The following AFAP1L2 variants were observed in gnomAD, a reference collection of about 807,000 sequenced individuals.
The protein encoded by AFAP1L2 is actin filament associated protein 1 like 2.
Under a neutral mutation model 99.3 loss-of-function variants are expected in AFAP1L2, and 46 were observed. That is an observed-to-expected ratio of 0.46 (90% CI 0.37 to 0.59). The LOEUF is 0.59. Ranked by LOEUF, AFAP1L2 falls within the 20% of genes least tolerant of loss-of-function variation. AFAP1L2 has a pLI of 0.00. For missense variants in AFAP1L2, 959 were observed against 1,034.9 expected (o/e 0.93, Z 1.01); for synonymous variants, 397 against 419.1 (o/e 0.95, Z 0.64).
chr10:114,322,361 G>A (rs1158954146), intron 5 of AFAP1L2, among the ~76,000 whole-genome samples: 5 of 152,170 alleles, frequency 3.3e-5, no homozygotes, highest in African/African-American at 1.2e-4. Flanking sequence ...AGCCCCATCT[G>A]CGTCCCCACC....
At chr10:114,316,104 A>C (rs2044093853) in intron 5 of AFAP1L2, among the ~76,000 whole-genome samples, 1 of 152,248 alleles carries the variant, frequency 6.6e-6, no homozygotes, top group Non-Finnish European at 1.5e-5. Context: ...TGCTCTTGAC[A>C]AGGCCAGTTC....
At chr10:114,284,269 T>C in the AFAP1L2 span, among the ~76,000 whole-genome samples, 1 of 152,196 alleles carries the variant, frequency 6.6e-6, no homozygotes, top group African/African-American at 2.4e-5. Flanking sequence ...TTGGGGAGTG[T>C]TTTTTTAGTG....
chr10:114,310,446 G>A lies in AFAP1L2; in HGVS notation c.793-3C>T, dbSNP rs753909843. The A allele has an allele frequency of 1.2e-6, 2 of 1,613,064 alleles. No individual in the cohort carries two copies. The highest frequency in any genetic ancestry group is 3.3e-4 in the Middle Eastern group (2 of 6,052). ...AGGCCGCTCACTTCCTGGATGACCT[G>A]AGGCAAGAGGGAAGCCGTCAGCAGA... On this transcript the variant is annotated splice_polypyrimidine_tract_variant and splice_region_variant and intron_variant, in intron 7 of 18. Transcript: ENST00000304129.
chr10:114,300,097 G>A (rs918844720), intron 15 of AFAP1L2, 97 bp downstream of exon 15: 31 of 1,517,176 alleles, frequency 2.0e-5, no homozygotes, highest in African/African-American at 2.7e-5. Context: ...CTTAATAAAC[G>A]CCCTTTCATA....
chr10:114,286,419 G>A, the AFAP1L2 span: 11 of 1,613,828 alleles, frequency 6.8e-6, no homozygotes, highest in East Asian at 2.5e-4. Context: ...ATCACAGGCA[G>A]CCCAAAGCAT....
chr10:114,301,683 A>G, intron 12 of AFAP1L2: 1 of 568,938 alleles, frequency 1.8e-6, no homozygotes, highest in Admixed American at 3.0e-5. Flanking sequence ...TTCCTCCCAG[A>G]AAGACAAGCT....
intron 1 of AFAP1L2, among the ~76,000 whole-genome samples, chr10:114,386,053 C>T (rs145622861): frequency 2.0e-5 from 3 of 152,200 alleles, no homozygotes; most frequent in Non-Finnish European, 4.4e-5. Flanking sequence ...GGCCGAGACT[C>T]GGCTGAGAGT....
At chr10:114,383,888 G>A (rs550094044) in intron 1 of AFAP1L2, among the ~76,000 whole-genome samples, 8 of 152,266 alleles carry the variant, frequency 5.3e-5, no homozygotes, top group East Asian at 1.9e-4. Context: ...GGCTCTCCCC[G>A]TCTCTTCCTA....
At chr10:114,313,719 A>G (rs1241384209) in intron 7 of AFAP1L2, 152 bp downstream of exon 7, 2 of 765,008 alleles carry the variant, frequency 2.6e-6, no homozygotes, top group Non-Finnish European at 3.9e-6. Context: ...ACCCATTTGC[A>G]GAAGACAGAT....
chr10:114,380,112 C>G (rs2055409786), intron 1 of AFAP1L2, among the ~76,000 whole-genome samples: 1 of 152,206 alleles, frequency 6.6e-6, no homozygotes, highest in African/African-American at 2.4e-5. Context: ...CAATTTAGCA[C>G]TGGGTGATGA....
At chr10:114,313,264 GCAT>G (rs1366979613) in intron 7 of AFAP1L2, among the ~76,000 whole-genome samples, 1 of 152,146 alleles carries the variant, frequency 6.6e-6, no homozygotes, top group East Asian at 1.9e-4. Flanking sequence ...TCCGCTGGAA[GCAT>G]CAAGCCCAGC....
At chr10:114,404,054 C>T (rs1174314758) in intron 1 of AFAP1L2, among the ~76,000 whole-genome samples, 1 of 152,252 alleles carries the variant, frequency 6.6e-6, no homozygotes, top group African/African-American at 2.4e-5. Flanking sequence ...CCCTTTGCCC[C>T]CAGCAGCTCA....
In AFAP1L2 at chr10:114,330,563, C is replaced by A. The variant is rs1401920486; in HGVS notation, c.315+1240G>T. On this transcript the variant is annotated intron_variant, in intron 4 of 18. Coordinates refer to ENST00000304129, the MANE Select transcript of AFAP1L2 (RefSeq NM_001001936.3). Reference sequence around the variant, plus strand: ...GCCACACACAGTGGTGGGGGGGCTGCCATCCTTAGCCCATTAAATAAGCCC... The same window carrying A: ...GCCACACACAGTGGTGGGGGGGCTGACATCCTTAGCCCATTAAATAAGCCC... Among the ~76,000 whole-genome samples, 3 of 152,192 alleles carry A rather than the reference C, an allele frequency of 2.0e-5. 1 individual carries two copies. The highest frequency in any genetic ancestry group is 2.0e-4 in the Admixed American group (3 of 15,284).
At chr10:114,339,528 C>A (rs2048476842) in intron 2 of AFAP1L2, among the ~76,000 whole-genome samples, 1 of 152,208 alleles carries the variant, frequency 6.6e-6, no homozygotes, top group Non-Finnish European at 1.5e-5. Flanking sequence ...GGGCTCGGGC[C>A]CAACTCGGGT....
At chr10:114,343,422 G>C (rs1426975068) in intron 1 of AFAP1L2, among the ~76,000 whole-genome samples, 1 of 152,180 alleles carries the variant, frequency 6.6e-6, no homozygotes, top group African/African-American at 2.4e-5. Context: ...CAAGTCAGTG[G>C]CTCAGGAGAA....
chr10:114,311,345 G>A (rs1292461851), intron 7 of AFAP1L2, among the ~76,000 whole-genome samples: 2 of 151,134 alleles, frequency 1.3e-5, no homozygotes, highest in South Asian at 2.1e-4. Flanking sequence ...CTTTGGAAAC[G>A]CAGAATTAGT....
chr10:114,337,941 G>C (rs138788988), intron 2 of AFAP1L2, among the ~76,000 whole-genome samples: 1 of 152,088 alleles, frequency 6.6e-6, no homozygotes, highest in Non-Finnish European at 1.5e-5. Flanking sequence ...GTGTTCCCAC[G>C]ATGGGCTGCT....
At chr10:114,394,761 G>T (rs2057514076) in intron 1 of AFAP1L2, among the ~76,000 whole-genome samples, 1 of 152,070 alleles carries the variant, frequency 6.6e-6, no homozygotes, top group East Asian at 1.9e-4. Flanking sequence ...CACCCTTCCT[G>T]CTTTGCCCCA....
intron 1 of AFAP1L2, among the ~76,000 whole-genome samples, chr10:114,388,650 A>C (rs968852458): frequency 1.3e-5 from 2 of 152,222 alleles, no homozygotes; most frequent in African/African-American, 4.8e-5. Context: ...CTTGGCACAA[A>C]GTAAAGCTTA....
Sources: gnomAD v4.1 joint callset for allele counts (sites outside exome capture counted in the v4.1 genomes callset) on GRCh38, gnomAD v4.1.1 for gene constraint, MANE v1.5 for transcripts, NCBI Gene and HGNC (gene_info 2026-07-23, HGNC 2026-07-21) for gene names.